The following NPEPPS variants were observed in gnomAD, a reference collection of about 807,000 sequenced individuals.
NPEPPS encodes the protein puromycin-sensitive aminopeptidase.
Under a neutral mutation model 115.5 loss-of-function variants are expected in NPEPPS, and 14 were observed. The observed-to-expected ratio is 0.12, with a 90% confidence interval of 0.08 to 0.19. The LOEUF (loss-of-function observed/expected upper bound fraction) is 0.19, where lower values mean the gene tolerates loss of function less well. NPEPPS is among the 10% of genes least tolerant of loss of function. The pLI is 1.00. For synonymous variants in NPEPPS, 285 were observed against 390.6 expected (o/e 0.73, Z 3.19); for missense variants, 523 against 1,110.8 (o/e 0.47, Z 7.52).
upstream of NPEPPS, among the ~76,000 whole-genome samples, chr17:47,528,081 C>G (rs1179646773): frequency 1.3e-5 from 2 of 151,746 alleles, no homozygotes; most frequent in Non-Finnish European, 2.9e-5. Flanking sequence ...GTGGGCAGAT[C>G]ACCTGAGGTA....
chr17:47,549,891 C>G (rs1909513981), intron 2 of NPEPPS, among the ~76,000 whole-genome samples: 1 of 147,816 alleles, frequency 6.8e-6, no homozygotes, highest in African/African-American at 2.5e-5. Flanking sequence ...AAAGTAAAAT[C>G]AGAAAATTAC....
rs571147656 is a variant in NPEPPS, at chr17:47,612,413, A to C, written c.2096-47A>C. The C allele has an allele frequency of 5.0e-6, 8 of 1,597,180 alleles. No homozygotes were observed. The Admixed American group carries it at 8.8e-5, about 18-fold the overall frequency. ...GATATCCAAATGGCAAACTTATAAAAATAGGCTTTTTAAGTAGTCTTATGT... is the reference window on the plus strand; with the variant it reads ...GATATCCAAATGGCAAACTTATAAACATAGGCTTTTTAAGTAGTCTTATGT... On this transcript the variant is annotated intron_variant, in intron 17 of 22. Transcript: ENST00000322157.
At chr17:47,536,271 C>T (rs1247945390) in intron 1 of NPEPPS, among the ~76,000 whole-genome samples, 1 of 151,806 alleles carries the variant, frequency 6.6e-6, no homozygotes, top group Non-Finnish European at 1.5e-5. Context: ...TAAATTGGCA[C>T]TAAGTGAATA....
chr17:47,524,661 ATTT>A (rs56230488), intron 1 of NPEPPS, among the ~76,000 whole-genome samples: 15 of 135,412 alleles, frequency 1.1e-4, no homozygotes, highest in Non-Finnish European at 1.1e-4. Context: ...CGCCTGGCTA[ATTT>A]TTTTTTTTTT....
intron 2 of NPEPPS, among the ~76,000 whole-genome samples, chr17:47,559,422 G>GT (rs986029920): frequency 1.5e-4 from 23 of 151,594 alleles, no homozygotes; most frequent in South Asian, 6.3e-4. Context: ...TTGGTTTTGG[G>GT]TTTTTTTTGG....
intron 9 of NPEPPS, among the ~76,000 whole-genome samples, chr17:47,589,245 C>T (rs1912365774): frequency 6.6e-6 from 1 of 151,972 alleles, no homozygotes. Flanking sequence ...CCACACCTGG[C>T]CTTTTCTGGG....
chr17:47,538,644 C>G (rs1230307650), intron 1 of NPEPPS, among the ~76,000 whole-genome samples: 1 of 151,610 alleles, frequency 6.6e-6, no homozygotes, highest in East Asian at 1.9e-4. Flanking sequence ...ATTCTCCTGC[C>G]TCATCCTCCC....
rs189870430 is a variant in NPEPPS, at chr17:47,571,672, C to T, written c.418+2178C>T. On this transcript the variant is annotated intron_variant, in intron 3 of 22. Coordinates refer to ENST00000322157, the MANE Select transcript of NPEPPS (RefSeq NM_006310.4). ...GGTGGAGCTTGCAGTGAGCCGAGAT[C>T]GCACCACTGCACTCCAGCCTGGGCG... 5.9e-3 allele frequency among the ~76,000 whole-genome samples: 891 copies of T among 152,112 alleles called. 11 individuals are homozygous for T. Among genetic ancestry groups the T allele is most frequent in the African/African-American group, 0.019 (776 of 41,498 alleles).
At chr17:47,585,985 A>G (rs983217732) in intron 6 of NPEPPS, 163 bp from the exon 7 acceptor site, 7 of 614,456 alleles carry the variant, frequency 1.1e-5, no homozygotes, top group Non-Finnish European at 1.9e-5. Context: ...TGGCCATTGT[A>G]TTCAAAGTTT....
At chr17:47,530,546 C>T (rs1372462462), upstream of NPEPPS, among the ~76,000 whole-genome samples, 1 of 150,360 alleles carries the variant, frequency 6.7e-6, no homozygotes, top group Non-Finnish European at 1.5e-5. Context: ...TTAGTAGAGA[C>T]GGGGTTTCAC....
intron 17 of NPEPPS, among the ~76,000 whole-genome samples, chr17:47,607,972 G>A (rs907003607): frequency 1.3e-5 from 2 of 151,852 alleles, no homozygotes; most frequent in Admixed American, 1.3e-4. Context: ...AGCCTCCTGA[G>A]TATTTGGGAC....
Position 47,622,765 on chromosome 17 carries a change from G to A in NPEPPS, c.*845G>A. 3 of 419,184 alleles carry A rather than the reference G, an allele frequency of 7.2e-6. 1 individual carries two copies. The highest frequency in any genetic ancestry group is 5.4e-5 in the South Asian group (3 of 55,950). 26.0% of individuals were successfully genotyped at this position (419,184 alleles called of 1,614,324 possible). A position where few individuals can be genotyped will look rare whatever the true frequency, so the allele number is the denominator to read the frequency against. ...TAAGAACCCTGAAATTTATATAGGT[G>A]AGACAATAGAAATAAAAAGATCTTC... is the stretch of plus-strand genomic sequence containing the variant. On this transcript the variant is annotated 3_prime_UTR_variant, in exon 23 of 23. Transcript: ENST00000322157.
chr17:47,529,957 G>A (rs1198282447), upstream of NPEPPS, among the ~76,000 whole-genome samples: 1 of 134,502 alleles, frequency 7.4e-6, no homozygotes, highest in East Asian at 2.1e-4. Context: ...TTTATTTTGA[G>A]ACAGAGTCTC....
At chr17:47,543,272 CAG>C (rs917449650) in intron 1 of NPEPPS, among the ~76,000 whole-genome samples, 2 of 151,256 alleles carry the variant, frequency 1.3e-5, no homozygotes, top group African/African-American at 4.9e-5. Context: ...TATTAGTAAT[CAG>C]GGAAATTCTG....
intron 19 of NPEPPS, among the ~76,000 whole-genome samples, chr17:47,614,953 A>G (rs1185821168): frequency 1.3e-5 from 2 of 152,142 alleles, no homozygotes; most frequent in Non-Finnish European, 2.9e-5. Flanking sequence ...CTAAATTCTG[A>G]TATTTTGGTT....
In NPEPPS at chr17:47,592,492, A is replaced by G. The variant is rs1285385998; in HGVS notation, c.1373A>G (p.Lys458Arg). Residue 458 changes from lysine to arginine, a missense_variant, in exon 12 of 23, where the codon AAG (lysine) becomes AGG (arginine). By Grantham distance (26) the Lys-to-Arg change is conservative (BLOSUM62 2). Transcript: ENST00000322157. Reference protein sequence around the residue: ...LHDYIGDKDFKKGMNMYLTKF... With the variant: ...LHDYIGDKDFRKGMNMYLTKF... ...AAAATTGTGTTTTCTCAGGACTTTAAGAAAGGAATGAACATGTATTTAACC... is the reference window on the plus strand; with the variant it reads ...AAAATTGTGTTTTCTCAGGACTTTAGGAAAGGAATGAACATGTATTTAACC... 1.3e-5 allele frequency: 20 copies of G among 1,586,672 alleles called. No individual in the cohort carries two copies. The highest frequency in any genetic ancestry group is 1.7e-5 in the Non-Finnish European group (20 of 1,165,446).
intron 4 of NPEPPS, chr17:47,582,309 A>T (rs1275471476): frequency 4.4e-6 from 1 of 227,790 alleles, no homozygotes; most frequent in African/African-American, 2.3e-5. Context: ...AAAGCACGTC[A>T]AAGATTGAGA....
intron 14 of NPEPPS, 47 bp from the exon 15 acceptor site, chr17:47,601,561 C>T (rs748823364): frequency 2.5e-6 from 4 of 1,609,624 alleles, no homozygotes; most frequent in Admixed American, 3.4e-5. Flanking sequence ...TCCACCTTAC[C>T]TTCTGTTTGT....
At chr17:47,564,137 G>C (rs1910638730) in intron 2 of NPEPPS, among the ~76,000 whole-genome samples, 1 of 151,934 alleles carries the variant, frequency 6.6e-6, no homozygotes, top group Non-Finnish European at 1.5e-5. Flanking sequence ...GGCCAGGCTG[G>C]ACTCAAACTC....
Sources: gnomAD v4.1 joint callset for allele counts (sites outside exome capture counted in the v4.1 genomes callset) on GRCh38, gnomAD v4.1.1 for gene constraint, MANE v1.5 for transcripts, NCBI Gene and HGNC (gene_info 2026-07-23, HGNC 2026-07-21) for gene names.